The following UCHL1 variants were observed in gnomAD, a reference collection of about 807,000 sequenced individuals.
UCHL1 encodes ubiquitin carboxyl-terminal hydrolase isozyme L1.
In UCHL1, 5 loss-of-function variants were observed where a neutral mutation model predicts 33.3. The observed-to-expected ratio is 0.15, with a 90% CI of 0.08 to 0.32. The LOEUF is 0.32. Among genes scored for constraint, UCHL1 ranks in the 10% least tolerant of loss-of-function variants. The probability of loss-of-function intolerance (pLI) is 1.00; values close to 1 mark genes in which losing one functional copy is unlikely to be tolerated. For missense variants in UCHL1, 236 were observed against 280.0 expected, an observed-to-expected ratio of 0.84 and a Z score of 1.12; for synonymous variants, 132 against 108.8, an observed-to-expected ratio of 1.21 and a Z score of -1.33.
At chr4:41,262,393 C>CT (rs1388828374) in intron 6 of UCHL1, among the ~76,000 whole-genome samples, 1 of 152,252 alleles carries the variant, frequency 6.6e-6, no homozygotes, top group Non-Finnish European at 1.5e-5. Context: ...TTGCAGTGAG[C>CT]TGAGACCATG....
chr4:41,257,401 C>G, intron 2 of UCHL1: 3 of 888,354 alleles, frequency 3.4e-6, no homozygotes, highest in Non-Finnish European at 4.8e-6. Flanking sequence ...ACAGACTCGG[C>G]TGCACGGGCT....
chr4:41,257,547 CT>C (rs1580922831), intron 2 of UCHL1, 61 bp from the exon 3 acceptor site: 1 of 1,438,502 alleles, frequency 7.0e-7, no homozygotes, highest in Non-Finnish European at 9.1e-7. Flanking sequence ...GCCCCGCCCC[CT>C]GGCAGGTGCC....
intron 3 of UCHL1, among the ~76,000 whole-genome samples, chr4:41,260,304 G>A (rs1272838884): frequency 6.6e-6 from 1 of 152,202 alleles, no homozygotes; most frequent in Non-Finnish European, 1.5e-5. Flanking sequence ...GTGTTAAAGG[G>A]AGAAAATAAT....
rs769324047 is a variant in UCHL1, at chr4:41,256,957, C to G, written c.-20C>G. 6.2e-7 allele frequency: 1 copy of G among 1,614,166 alleles called. No homozygotes were observed. Among genetic ancestry groups the G allele is most frequent in the Admixed American group, 1.7e-5 (1 of 60,036 alleles). On this transcript the variant is annotated 5_prime_UTR_variant, in exon 1 of 9. Coordinates refer to ENST00000284440, the MANE Select transcript of UCHL1 (RefSeq NM_004181.5). ...GTTTTTCGTCTTCCCTAGGCTATTT[C>G]TGCCGGGCGCTCCGCGAAGATGCAG...
At chr4:41,264,299 C>A in intron 8 of UCHL1, 138 bp downstream of exon 8, 1 of 1,072,008 alleles carries the variant, frequency 9.3e-7, no homozygotes, top group Non-Finnish European at 1.4e-6. Context: ...GCTGCAAGAT[C>A]CTCTTAGTAA....
chr4:41,264,253 C>A, intron 8 of UCHL1, 92 bp downstream of exon 8: 1 of 1,514,156 alleles, frequency 6.6e-7, no homozygotes, highest in Non-Finnish European at 9.2e-7. Context: ...CCAGTATAGC[C>A]AGCATCAGTT....
At chr4:41,263,341 C>G (rs1433846661) in intron 7 of UCHL1, 50 bp downstream of exon 7, 5 of 1,521,556 alleles carry the variant, frequency 3.3e-6, no homozygotes, top group Admixed American at 1.7e-5. Flanking sequence ...TGTGTTCTTT[C>G]AGACTGAATT....
Position 41,267,239 on chromosome 4 carries a change from T to G in UCHL1, c.586-748T>G, listed in dbSNP as rs552752359. Among the ~76,000 whole-genome samples the G allele has an allele frequency of 5.2e-4, 78 of 151,338 alleles. 1 individual carries two copies. Among genetic ancestry groups the G allele is most frequent in the Middle Eastern group, 3.4e-3 (1 of 294 alleles). ...AGGTAAACGTTAAGGCTGTTTTTTT[T>G]TTTGTTTGTTTGTTTGTTTTCTGAG... is the stretch of plus-strand genomic sequence containing the variant. On this transcript the variant is annotated intron_variant, in intron 8 of 8. Transcript: ENST00000284440.
At chr4:41,258,959 C>G (rs1238519670) in intron 3 of UCHL1, among the ~76,000 whole-genome samples, 1 of 152,180 alleles carries the variant, frequency 6.6e-6, no homozygotes, top group African/African-American at 2.4e-5. Flanking sequence ...TTTATTAGAG[C>G]AACCATGATG....
intron 8 of UCHL1, among the ~76,000 whole-genome samples, chr4:41,265,147 T>C (rs1781131732): frequency 6.6e-6 from 1 of 152,234 alleles, no homozygotes; most frequent in Non-Finnish European, 1.5e-5. Context: ...TCTTAGGTGC[T>C]GTTCTAGGTG....
intron 3 of UCHL1, 81 bp downstream of exon 3, chr4:41,257,818 C>A: frequency 6.7e-7 from 1 of 1,501,256 alleles, no homozygotes; most frequent in South Asian, 1.3e-5. Flanking sequence ...GCTCCCCGCC[C>A]CGCCCCCTCC....
At chr4:41,261,312 C>A (rs1292708414) in intron 4 of UCHL1, among the ~76,000 whole-genome samples, 1 of 152,192 alleles carries the variant, frequency 6.6e-6, no homozygotes, top group Non-Finnish European at 1.5e-5. Context: ...ACTGTACATT[C>A]TTAGATGCTG....
intron 7 of UCHL1, 112 bp from the exon 8 acceptor site, chr4:41,263,991 G>A (rs1781114487): frequency 1.4e-6 from 2 of 1,384,018 alleles, no homozygotes; most frequent in Non-Finnish European, 2.1e-6. Context: ...GCTTCCTTCT[G>A]TGGGTTTGGC....
intron 3 of UCHL1, among the ~76,000 whole-genome samples, chr4:41,258,258 C>G (rs896900503): frequency 6.6e-6 from 1 of 152,242 alleles, no homozygotes; most frequent in African/African-American, 2.4e-5. Context: ...CTCTTCTCCA[C>G]TCCCACCACT....
Position 41,266,584 on chromosome 4 carries a change from T to C in UCHL1, c.586-1403T>C, listed in dbSNP as rs554023912. Among the ~76,000 whole-genome samples the C allele has an allele frequency of 1.1e-4, 16 of 152,236 alleles. No homozygotes were observed. In the South Asian group the frequency reaches 3.3e-3, roughly 32 times the overall value. ...CTGGAATACTGATATATTAAAAAACTTGGTAGAGGATAAAATGTTGATGTC... is the reference window on the plus strand; with the variant it reads ...CTGGAATACTGATATATTAAAAAACCTGGTAGAGGATAAAATGTTGATGTC... On this transcript the variant is annotated intron_variant, in intron 8 of 8. Transcript: ENST00000284440.
chr4:41,266,034 A>G (rs918322523), intron 8 of UCHL1, among the ~76,000 whole-genome samples: 5 of 152,192 alleles, frequency 3.3e-5, no homozygotes, highest in African/African-American at 9.6e-5. Context: ...TGTGTCCCAC[A>G]TAGGATACAA....
In UCHL1 at chr4:41,268,075, G is replaced by A. The variant is rs775513694; in HGVS notation, c.*2G>A. On this transcript the variant is annotated 3_prime_UTR_variant, in exon 9 of 9. Transcript: ENST00000284440. ...GTGGCTCTCTGCAAGGCAGCCTAAT[G>A]CTCTGTGGGAGGGACTTTGCTGATT... 2 of 1,612,698 alleles carry A rather than the reference G, an allele frequency of 1.2e-6. No individual in the cohort carries two copies. The highest frequency in any genetic ancestry group is 1.7e-6 in the Non-Finnish European group (2 of 1,179,358).
At chr4:41,258,023 A>C (rs759273458) in intron 3 of UCHL1, among the ~76,000 whole-genome samples, 5 of 152,098 alleles carry the variant, frequency 3.3e-5, no homozygotes, top group Non-Finnish European at 7.4e-5. Context: ...CATCCTACTC[A>C]TGAGTTCCCT....
At position 41,264,176 on chromosome 4, in the gene UCHL1, G is replaced by A. The variant is rs763899919; in HGVS notation, c.585+15G>A. 5 of 1,614,014 alleles carry A rather than the reference G, an allele frequency of 3.1e-6. No individual in the cohort carries two copies. In the African/African-American group the frequency reaches 5.3e-5, roughly 17 times the overall value. On this transcript the variant is annotated intron_variant, in intron 8 of 8. Coordinates refer to ENST00000284440, the MANE Select transcript of UCHL1 (RefSeq NM_004181.5). ...CCCTGCTGAAGGTCATCTTTGGAAT[G>A]CATCTCTTCTTAATGTGCCTCACAA...
Sources: allele counts gnomAD v4.1 joint callset (sites outside exome capture counted in the v4.1 genomes callset), GRCh38; gene constraint gnomAD v4.1.1; transcripts MANE v1.5; gene names NCBI Gene and HGNC (gene_info 2026-07-23, HGNC 2026-07-21).